ENOSF1: variants seen among roughly 807,000 people sequenced by gnomAD.
The protein encoded by ENOSF1 is mitochondrial enolase superfamily member 1.
Under a neutral mutation model 68.2 loss-of-function variants are expected in ENOSF1, and 73 were observed. The observed-to-expected ratio is 1.07, with a 90% CI of 0.89 to 1.30. ENOSF1 has a LOEUF of 1.30. Ranked by LOEUF, ENOSF1 falls within the 50% of genes most tolerant of loss-of-function variation. The pLI is 0.00. For missense variants in ENOSF1, 589 were observed against 554.5 expected (o/e 1.06, Z -0.62); for synonymous variants, 223 against 210.4 (o/e 1.06, Z -0.52).
chr18:690,477 A>G, intron 8 of ENOSF1, 72 bp downstream of exon 8: 1 of 1,538,000 alleles, frequency 6.5e-7, no homozygotes, highest in Non-Finnish European at 9.0e-7. Flanking sequence ...GAGTAGTGGT[A>G]TGAGGACAGA....
At chr18:680,382 G>A (rs924388041) in intron 11 of ENOSF1, among the ~76,000 whole-genome samples, 3 of 152,228 alleles carry the variant, frequency 2.0e-5, no homozygotes, top group African/African-American at 7.2e-5. Context: ...GGGAGAAACG[G>A]AGGAAGGGGG....
chr18:667,992 A>ATTTTTTTTTTTTTTTTTTTTTTTT (rs60409589), downstream of ENOSF1, among the ~76,000 whole-genome samples: 2 of 105,388 alleles, frequency 1.9e-5, no homozygotes, highest in African/African-American at 4.6e-5. Context: ...ATTCACAGGA[A>ATTTTTTTTTTTTTTTTTTTTTTTT]TTTTTTTTTT....
At chr18:694,369 G>T in intron 3 of ENOSF1, 35 bp from the exon 4 acceptor site, 11 of 1,602,232 alleles carry the variant, frequency 6.9e-6, no homozygotes, top group Non-Finnish European at 8.5e-6. Flanking sequence ...GCACTTTTTA[G>T]AAATGAAAAA....
rs2075041091 is a variant in ENOSF1 at position 671,325 on chromosome 18, T to C, written c.*2980A>G. On this transcript the variant is annotated 3_prime_UTR_variant, in exon 16 of 16. Transcript: ENST00000647584. ...TGCATATTCTAATGTTTTTAAATGA[T>C]GTTTTAAAGAATTGAAACTAACATA... 8.9e-7 allele frequency: 1 copy of C among 1,121,798 alleles called. No individual in the cohort carries two copies. Among genetic ancestry groups the C allele is most frequent in the Non-Finnish European group, 1.4e-6 (1 of 732,196 alleles). The allele number at this position is 1,121,798 out of a possible 1,614,324, so 69.5% of individuals were successfully genotyped here.
intron 10 of ENOSF1, 131 bp downstream of exon 10, chr18:685,790 G>T (rs1342050488): frequency 4.7e-5 from 35 of 741,602 alleles, no homozygotes; most frequent in Non-Finnish European, 2.3e-6. Flanking sequence ...CTCGCCTACT[G>T]CAAGACCACA....
chr18:705,600 GC>G (rs1568134600), intron 2 of ENOSF1, among the ~76,000 whole-genome samples: 1 of 152,128 alleles, frequency 6.6e-6, no homozygotes, highest in Admixed American at 6.5e-5. Context: ...CGTATACATG[GC>G]TCAGTATGCA....
downstream of ENOSF1, among the ~76,000 whole-genome samples, chr18:670,036 TAG>T (rs112444526): frequency 0.027 from 3,746 of 138,500 alleles, 167 homozygotes; most frequent in African/African-American, 0.1. Flanking sequence ...GCATCTGTAA[TAG>T]AGACTTATTT....
rs2847151 is a variant in ENOSF1 at position 671,167 on chromosome 18, G to A, written c.*3138C>T. Reference sequence around the variant, plus strand: ...CATGCCTGTAATCCCAGCACTTTGGGAGACTGAGACAGGAGCAATTGCTTG... The same window carrying A: ...CATGCCTGTAATCCCAGCACTTTGGAAGACTGAGACAGGAGCAATTGCTTG... On this transcript the variant is annotated 3_prime_UTR_variant, in exon 16 of 16. Transcript: ENST00000647584. 224,603 of 611,424 alleles carry A rather than the reference G, an allele frequency of 0.37. 44,845 individuals are homozygous for A. Among genetic ancestry groups the A allele is most frequent in the East Asian group, 0.66 (23,766 of 36,154 alleles). The allele number at this position is 611,424 out of a possible 1,614,324, so 37.9% of individuals were successfully genotyped here. A position where few individuals can be genotyped will look rare whatever the true frequency, so the allele number is the denominator to read the frequency against.
Position 675,375 on chromosome 18 carries a change from A to C in ENOSF1, c.1176T>G (p.His392Gln), listed in dbSNP as rs1481625481. ...NRVCEYVDHLHEHFKYPVMIQ... is the reference protein window; with the variant it reads ...NRVCEYVDHLQEHFKYPVMIQ... Reference sequence around the variant, plus strand: ...TCATCACGGGATACTTGAAATGCTCATGCAGGTGGTCAACATACTCACACA... The same window carrying C: ...TCATCACGGGATACTTGAAATGCTCCTGCAGGTGGTCAACATACTCACACA... The change falls in exon 15 of 16, where the codon CAT (histidine) becomes CAG (glutamine). Residue 392 changes from histidine to glutamine, a missense_variant. By Grantham distance (24) the His-to-Gln change is conservative. Coordinates refer to ENST00000647584, the MANE Select transcript of ENOSF1 (RefSeq NM_017512.7). The C allele has an allele frequency of 1.9e-6, 3 of 1,613,194 alleles. No individual in the cohort carries two copies. The highest frequency in any genetic ancestry group is 2.5e-6 in the Non-Finnish European group (3 of 1,179,842).
intron 11 of ENOSF1, chr18:682,902 C>CA (rs917173818): frequency 2.1e-4 from 37 of 175,364 alleles, no homozygotes; most frequent in South Asian, 4.0e-4. Flanking sequence ...CAAAACAAAA[C>CA]AAAAAAAACC....
At chr18:666,700 G>A (rs922263965), downstream of ENOSF1, among the ~76,000 whole-genome samples, 4 of 152,232 alleles carry the variant, frequency 2.6e-5, no homozygotes, top group African/African-American at 9.7e-5. Flanking sequence ...TATATTTTAT[G>A]TGCGGTCATG....
In ENOSF1 at chr18:670,618, C is replaced by T. The variant is rs116411920; in HGVS notation, c.*3687G>A. 7,131 of 1,533,504 alleles carry T rather than the reference C, an allele frequency of 4.7e-3. 298 individuals carry two copies. In the African/African-American group the frequency reaches 0.085, roughly 18 times the overall value. 95.0% of individuals were successfully genotyped at this position (1,533,504 alleles called of 1,614,324 possible). A position where few individuals can be genotyped will look rare whatever the true frequency, so the allele number is the denominator to read the frequency against. ...CATATGAGTTGGCTTCTGTTTCTCT[C>T]CTGTTTTACTTTGCCTTTAGCTGTG... On this transcript the variant is annotated 3_prime_UTR_variant, in exon 16 of 16. Transcript: ENST00000647584.
At position 675,258 on chromosome 18, in the gene ENOSF1, C is replaced by T. The variant is rs920470168; in HGVS notation, c.1230+63G>A. On this transcript the variant is annotated intron_variant, in intron 15 of 15. Coordinates refer to ENST00000647584, the MANE Select transcript of ENOSF1 (RefSeq NM_017512.7). ...GCTTGGTGCTCCACAGTCTAGTTCA[C>T]GAGACAGGCGTGGCAGTGGCTGGCA... 6.8e-5 allele frequency: 88 copies of T among 1,288,006 alleles called. 1 individual carries two copies. Among genetic ancestry groups the T allele is most frequent in the Middle Eastern group, 2.3e-4 (1 of 4,290 alleles). 79.8% of individuals were successfully genotyped at this position (1,288,006 alleles called of 1,614,324 possible).
intron 5 of ENOSF1, 152 bp from the exon 6 acceptor site, chr18:691,428 C>T (rs1015642497): frequency 1.6e-6 from 1 of 630,652 alleles, no homozygotes; most frequent in African/African-American, 1.8e-5. Flanking sequence ...TCACTGCAGC[C>T]TCAGTCTCCC....
intron 2 of ENOSF1, among the ~76,000 whole-genome samples, chr18:703,256 A>C (rs1283622741): frequency 1.3e-5 from 2 of 152,102 alleles, no homozygotes; most frequent in Non-Finnish European, 2.9e-5. Context: ...TGAAGGCCCT[A>C]AACACTGAGC....
rs1288548986 is a variant in ENOSF1 at position 670,430 on chromosome 18, G to GC, written c.*3874dup. The GC allele has an allele frequency of 2.3e-5, 10 of 441,958 alleles. No individual in the cohort carries two copies. The highest frequency in any genetic ancestry group is 2.0e-4 in the African/African-American group (10 of 50,406). 27.4% of individuals were successfully genotyped at this position (441,958 alleles called of 1,614,324 possible). A position where few individuals can be genotyped will look rare whatever the true frequency, so the allele number is the denominator to read the frequency against. Reference sequence around the variant, plus strand: ...ATTTGTAATCTGGTGCCACGAGGTAGCCCAGATCCCTTCAGCTCTGATGGA... The same window carrying GC: ...ATTTGTAATCTGGTGCCACGAGGTAGCCCCAGATCCCTTCAGCTCTGATGGA... On this transcript the variant is annotated 3_prime_UTR_variant, in exon 16 of 16. Coordinates refer to ENST00000647584, the MANE Select transcript of ENOSF1 (RefSeq NM_017512.7).
At chr18:678,126 C>T (rs2075698520) in intron 12 of ENOSF1, among the ~76,000 whole-genome samples, 1 of 152,166 alleles carries the variant, frequency 6.6e-6, no homozygotes, top group South Asian at 2.1e-4. Flanking sequence ...ACTGGCTCGC[C>T]ATTTATGAGG....
Position 689,349 on chromosome 18 carries a change from C to T in ENOSF1, c.619-741G>A, listed in dbSNP as rs551013484. Among the ~76,000 whole-genome samples, 27 of 152,290 alleles carry T rather than the reference C, an allele frequency of 1.8e-4. No individual in the cohort carries two copies. In the East Asian group the frequency reaches 3.3e-3, roughly 19 times the overall value. On this transcript the variant is annotated intron_variant, in intron 8 of 15. Transcript: ENST00000647584. The stretch of plus-strand genomic sequence containing the variant: ...AGGTTGGAGGGCAGTGGCGTGATCT[C>T]GGCTCATTGCAACCCCTGCCTCCTG...
intron 1 of ENOSF1, among the ~76,000 whole-genome samples, chr18:706,975 C>T (rs2079016161): frequency 6.6e-6 from 1 of 151,692 alleles, no homozygotes; most frequent in Non-Finnish European, 1.5e-5. Context: ...CGTGCCACCA[C>T]ACTTGGCTGA....
Sources: allele counts gnomAD v4.1 joint callset (sites outside exome capture counted in the v4.1 genomes callset), GRCh38; gene constraint gnomAD v4.1.1; transcripts MANE v1.5; gene names NCBI Gene and HGNC (gene_info 2026-07-23, HGNC 2026-07-21).